HSPG2: variants seen among roughly 807,000 people sequenced by gnomAD.
HSPG2 encodes basement membrane-specific heparan sulfate proteoglycan core protein.
HSPG2 carries 278 observed loss-of-function variants against 526.6 expected under a neutral mutation model. The observed-to-expected ratio is 0.53, with a 90% confidence interval of 0.48 to 0.58. HSPG2 has a LOEUF of 0.58. Among genes scored for constraint, HSPG2 ranks in the 20% least tolerant of loss-of-function variants. HSPG2 has a pLI of 0.00. For missense variants in HSPG2, 5,354 were observed against 6,099.5 expected, an observed-to-expected ratio of 0.88 and a Z score of 4.07; for synonymous variants, 2,465 against 2,555.4, an observed-to-expected ratio of 0.96 and a Z score of 1.07.
At chr1:21,837,693 G>A (rs555226060) in intron 74 of HSPG2, among the ~76,000 whole-genome samples, 1 of 152,000 alleles carries the variant, frequency 6.6e-6, no homozygotes, top group South Asian at 2.1e-4. Context: ...ACATGCAGGG[G>A]ACAGATGGGA....
In HSPG2 at chr1:21,851,800, A is replaced by T; in HGVS notation, c.6997T>A (p.Leu2333Ile). The T allele has an allele frequency of 6.2e-7, 1 of 1,613,898 alleles. No homozygotes were observed. Reference protein sequence around the residue: ...VTVTGTQGANLAYPAGSTQPI... With the variant: ...VTVTGTQGANIAYPAGSTQPI... ...TGGTGGCCCCACTCACGGTAGGCTAAGTTGGCCCCCTGGGTCCCAGTTACT... is the reference window on the plus strand; with the variant it reads ...TGGTGGCCCCACTCACGGTAGGCTATGTTGGCCCCCTGGGTCCCAGTTACT... Residue 2333 changes from leucine (L) to isoleucine (I), a missense_variant, in exon 54 of 97, where the codon TTA becomes ATA. Physicochemically the swap from Leu to Ile is conservative, Grantham distance 5. Transcript: ENST00000374695.
intron 1 of HSPG2, among the ~76,000 whole-genome samples, chr1:21,924,894 C>T (rs932895245): frequency 5.3e-5 from 8 of 152,182 alleles, no homozygotes; most frequent in African/African-American, 1.9e-4. Context: ...GCCCCATTTC[C>T]TCTAGAAAGT....
chr1:21,865,942 A>C lies in HSPG2; in HGVS notation c.4222-133T>G. On this transcript the variant is annotated intron_variant, in intron 33 of 96. Transcript: ENST00000374695. The surrounding 1 kb of genome is among the most constrained non-coding windows in gnomAD (Gnocchi z 5.4). ...CTCCCCCACCCCCCTCCCTGCCCAA[A>C]CCAAGAGGCCAGGGTGCATGGTTGC... The C allele has an allele frequency of 7.3e-6, 5 of 684,144 alleles. No homozygotes were observed. Among genetic ancestry groups the C allele is most frequent in the Admixed American group, 2.1e-5 (1 of 48,234 alleles). The allele number at this position is 684,144 out of a possible 1,614,324, so 42.4% of individuals were successfully genotyped here. A position where few individuals can be genotyped will look rare whatever the true frequency, so the allele number is the denominator to read the frequency against.
At position 21,847,954 on chromosome 1, in the gene HSPG2, T is replaced by C; in HGVS notation, c.7873+4A>G. 1 of 1,613,778 alleles carries C rather than the reference T, an allele frequency of 6.2e-7. No homozygotes were observed. Among genetic ancestry groups the C allele is most frequent in the Non-Finnish European group, 8.5e-7 (1 of 1,180,008 alleles). On this transcript the variant is annotated splice_donor_region_variant and intron_variant, in intron 60 of 96. Transcript: ENST00000374695. The surrounding 1 kb of genome is among the most constrained non-coding windows in gnomAD (Gnocchi z 4.1). ...TCTGTACCCCCTGCCCTCTCTGCTC[T>C]CACCGTGGGAGGAACCGCTGCCCTG...
intron 67 of HSPG2, 23 bp from the exon 68 acceptor site, chr1:21,842,403 G>A: frequency 1.3e-6 from 2 of 1,583,672 alleles, no homozygotes; most frequent in Non-Finnish European, 1.7e-6. Context: ...CGAGGGGACA[G>A]TTATCAGGGC....
rs775812231 is a variant in HSPG2 at position 21,878,979 on chromosome 1, G to A, written c.2471+15C>T. Reference sequence around the variant, plus strand: ...TCCCCAGCCAAACCCCCCCTGACCCGGAGCTGGGGCTGACCTGCGGGAGGC... The same window carrying A: ...TCCCCAGCCAAACCCCCCCTGACCCAGAGCTGGGGCTGACCTGCGGGAGGC... On this transcript the variant is annotated intron_variant, in intron 18 of 96. Coordinates refer to ENST00000374695, the MANE Select transcript of HSPG2 (RefSeq NM_005529.7). 71 of 1,611,470 alleles carry A rather than the reference G, an allele frequency of 4.4e-5. No individual in the cohort carries two copies. Among genetic ancestry groups the A allele is most frequent in the Middle Eastern group, 1.7e-4 (1 of 5,848 alleles).
In HSPG2 at chr1:21,824,082, C is replaced by T. The variant is rs370529233; in HGVS notation, c.12899+39G>A. ...GGGGGCGTCCTGCCCCACTCCAGAA[C>T]GCTGGGCCCCATCCCGAGTGCCCGG... On this transcript the variant is annotated intron_variant, in intron 95 of 96. Coordinates refer to ENST00000374695, the MANE Select transcript of HSPG2 (RefSeq NM_005529.7). The surrounding 1 kb of genome is among the most constrained non-coding windows in gnomAD (Gnocchi z 5.9). 3.5e-3 allele frequency: 5,515 copies of T among 1,573,554 alleles called. 14 individuals carry two copies. Among genetic ancestry groups the T allele is most frequent in the Non-Finnish European group, 4.3e-3 (4,913 of 1,149,628 alleles).
rs372691173 is a variant in HSPG2, at chr1:21,846,095, C to G, written c.8464+13G>C. On this transcript the variant is annotated intron_variant, in intron 64 of 96. Coordinates refer to ENST00000374695, the MANE Select transcript of HSPG2 (RefSeq NM_005529.7). ...CTCCCCCGGCCTTCCCGTCCCACTG[C>G]AGGGACCCTCACCGGGGACGTGGAC... 4.9e-4 allele frequency: 786 copies of G among 1,612,016 alleles called. 2 individuals are homozygous for G. The African/African-American group carries it at 9.2e-3, about 19-fold the overall frequency.
At position 21,895,922 on chromosome 1, in the gene HSPG2, C is replaced by G. The variant is rs1642712612; in HGVS notation, c.244G>C (p.Val82Leu). ...CTGCAGGAGGCCTGCAGCAACTTACCCATCTGGAAGTCCCCGCTGCCCAGG... is the reference window on the plus strand; with the variant it reads ...CTGCAGGAGGCCTGCAGCAACTTACGCATCTGGAAGTCCCCGCTGCCCAGG... The part of the protein sequence containing the change: ...GDLGSGDFQM[V>L]YFRALVNFTR... Residue 82 changes from valine (V) to leucine (L), a missense_variant and splice_region_variant, in exon 3 of 97, where the codon GTT becomes CTT. By Grantham distance (32) the Val-to-Leu change is conservative (BLOSUM62 1). Transcript: ENST00000374695. The surrounding 1 kb of genome is among the most constrained non-coding windows in gnomAD (Gnocchi z 4.1). The G allele has an allele frequency of 6.2e-7, 1 of 1,613,934 alleles. No homozygotes were observed. Among genetic ancestry groups the G allele is most frequent in the South Asian group, 1.1e-5 (1 of 91,070 alleles).
In HSPG2 at chr1:21,841,401, A is replaced by G. The variant is rs974361271; in HGVS notation, c.9329-116T>C. 1.2e-5 allele frequency: 19 copies of G among 1,555,404 alleles called. No homozygotes were observed. The African/African-American group carries it at 2.4e-4, about 20-fold the overall frequency. The stretch of plus-strand genomic sequence containing the variant: ...GGGCACCTGTCTCCCCACTGCACTG[A>G]GGTGGAAACTGAGGCTCAGAGAGGG... On this transcript the variant is annotated intron_variant, in intron 70 of 96. Coordinates refer to ENST00000374695, the MANE Select transcript of HSPG2 (RefSeq NM_005529.7).
At position 21,854,634 on chromosome 1, in the gene HSPG2, C is replaced by A. The variant is rs1487482980; in HGVS notation, c.6265G>T (p.Gly2089Cys). The change falls in exon 49 of 97, where the codon GGT becomes TGT. Residue 2089 changes from glycine to cysteine, a missense_variant. By Grantham distance (159) the Gly-to-Cys change is radical. Transcript: ENST00000374695. Reference protein sequence around the residue: ...HAQVTWYRRGGSLPPHTQVHG... With the variant: ...HAQVTWYRRGCSLPPHTQVHG... The stretch of plus-strand genomic sequence containing the variant: ...ACCTGGGTGTGGGGAGGCAGGCTAC[C>A]CCCTCGCCTGTACCAGGTGACCTGG... The A allele has an allele frequency of 1.3e-6, 2 of 1,578,462 alleles. No individual in the cohort carries two copies. The highest frequency in any genetic ancestry group is 2.3e-5 in the East Asian group (1 of 43,174).
rs1430341674 is a variant in HSPG2, at chr1:21,859,583, G to A, written c.5276C>T (p.Ala1759Val). 1.2e-6 allele frequency: 2 copies of A among 1,601,882 alleles called. No homozygotes were observed. The highest frequency in any genetic ancestry group is 1.7e-6 in the Non-Finnish European group (2 of 1,174,088). The change falls in exon 42 of 97, where the codon GCA becomes GTA. Residue 1759 changes from alanine (A) to valine (V), a missense_variant. Physicochemically the swap from Ala to Val is moderately conservative, Grantham distance 64 (BLOSUM62 0). Transcript: ENST00000374695. The surrounding 1 kb of genome is among the most constrained non-coding windows in gnomAD (Gnocchi z 5.3). ...GGACTCACCAGTGACCAGCAGCTCT[G>A]CCCGGCTGGTATTGGATTGGTGGAG... The part of the protein sequence containing the change: ...RNLHQSNTSR[A>V]ELLVTEAPSK...
chr1:21,928,017 G>C (rs1296132004), intron 1 of HSPG2, among the ~76,000 whole-genome samples: 1 of 152,208 alleles, frequency 6.6e-6, no homozygotes, highest in Non-Finnish European at 1.5e-5. Flanking sequence ...TCAAATACCT[G>C]CCACATTCCA....
Position 21,847,580 on chromosome 1 carries a change from T to C in HSPG2, c.8026-88A>G. On this transcript the variant is annotated intron_variant, in intron 61 of 96. Transcript: ENST00000374695. This position sits in a 1 kb window ranked among gnomAD's most constrained non-coding sequence, Gnocchi z 4.1. ...GCTCAGGCCTTCCTGCTCAGCCTGT[T>C]GAGGCTGCTATCGGTCTACCCAGGG... 1 of 1,602,524 alleles carries C rather than the reference T, an allele frequency of 6.2e-7. No individual in the cohort carries two copies. Among genetic ancestry groups the C allele is most frequent in the Non-Finnish European group, 8.5e-7 (1 of 1,170,996 alleles).
chr1:21,851,813 G>A lies in HSPG2; in HGVS notation c.6984C>T (p.Thr2328=), dbSNP rs1485218056. The A allele has an allele frequency of 6.2e-7, 1 of 1,613,690 alleles. No individual in the cohort carries two copies. The highest frequency in any genetic ancestry group is 1.3e-5 in the African/African-American group (1 of 74,944). ...CACGGTAGGCTAAGTTGGCCCCCTGGGTCCCAGTTACTGTGACCGTGATGG... is the reference window on the plus strand; with the variant it reads ...CACGGTAGGCTAAGTTGGCCCCCTGAGTCCCAGTTACTGTGACCGTGATGG... The part of the protein sequence containing the change: ...EASITVTVTG[T]QGANLAYPAG... The change falls in exon 54 of 97, where the codon ACC becomes ACT. Residue 2328 remains threonine (T), a synonymous_variant. Transcript: ENST00000374695.
rs778350928 is a variant in HSPG2 at position 21,847,366 on chromosome 1, C to T, written c.8152G>A (p.Gly2718Ser). 49 of 1,613,894 alleles carry T rather than the reference C, an allele frequency of 3.0e-5. No homozygotes were observed. The highest frequency in any genetic ancestry group is 1.2e-4 in the African/African-American group (9 of 74,948). The change falls in exon 62 of 97, where the codon GGC (glycine) becomes AGC (serine). Residue 2718 changes from glycine (G) to serine (S), a missense_variant. Physicochemically the swap from Gly to Ser is moderately conservative, Grantham distance 56. Transcript: ENST00000374695. The surrounding 1 kb of genome is among the most constrained non-coding windows in gnomAD (Gnocchi z 4.1). ...TAGGCAGACTCACCGGAGGGGCTGC[C>T]GGCGCTAGGGGAGACGGAGATGACG... ...SIVISVSPSA[G>S]SPSAPGSSMP...
chr1:21,933,142 C>T lies in HSPG2; in HGVS notation c.63+4013G>A, dbSNP rs575140199. On this transcript the variant is annotated intron_variant, in intron 1 of 96. Coordinates refer to ENST00000374695, the MANE Select transcript of HSPG2 (RefSeq NM_005529.7). ...GGCTGAGGTGGGAGGATCACCTGAG[C>T]GTGGGAGGTTGAGGCAGCGGTGAGC... 1.1e-3 allele frequency among the ~76,000 whole-genome samples: 165 copies of T among 150,578 alleles called. 1 individual carries two copies. The highest frequency in any genetic ancestry group is 1.7e-3 in the Non-Finnish European group (115 of 67,736).
intron 85 of HSPG2, chr1:21,830,516 C>T (rs1370500941): frequency 2.2e-5 from 6 of 272,310 alleles, no homozygotes; most frequent in African/African-American, 8.9e-5. Flanking sequence ...AGTGAAACCC[C>T]GCCTCTACTA....
In HSPG2 at chr1:21,824,461, C is replaced by T; in HGVS notation, c.12744+76G>A. On this transcript the variant is annotated intron_variant, in intron 93 of 96. Transcript: ENST00000374695. This position sits in a 1 kb window ranked among gnomAD's most constrained non-coding sequence, Gnocchi z 5.9. ...CCAGGGGGCTCTGCTTTCCCCTCCC[C>T]CCACCACTCCGGCCACCAGGAAGCC... 1.2e-6 allele frequency: 2 copies of T among 1,603,014 alleles called. No individual in the cohort carries two copies. The highest frequency in any genetic ancestry group is 1.7e-6 in the Non-Finnish European group (2 of 1,172,500).
Sources: gnomAD v4.1 joint callset for allele counts (sites outside exome capture counted in the v4.1 genomes callset) on GRCh38, gnomAD v4.1.1 for gene constraint, Gnocchi (gnomAD v3.1) non-coding constraint, MANE v1.5 for transcripts, NCBI Gene and HGNC (gene_info 2026-07-23, HGNC 2026-07-21) for gene names.